ADAMTSL3: variants seen among roughly 807,000 people sequenced by gnomAD.
The protein encoded by ADAMTSL3 is ADAMTS like 3.
ADAMTSL3 carries 128 observed loss-of-function variants against 201.7 expected under a neutral mutation model. That is an observed-to-expected ratio of 0.63 (90% CI 0.55 to 0.73). The LOEUF (loss-of-function observed/expected upper bound fraction) is 0.73, where lower values mean the gene tolerates loss of function less well. Among genes scored for constraint, ADAMTSL3 ranks in the 30% least tolerant of loss-of-function variants. The pLI, the probability that ADAMTSL3 is intolerant of heterozygous loss-of-function variation, is 0.00. For missense variants in ADAMTSL3, 1,990 were observed against 2,119.6 expected, an observed-to-expected ratio of 0.94 and a Z score of 1.20; for synonymous variants, 738 against 748.4, an observed-to-expected ratio of 0.99 and a Z score of 0.23.
At chr15:83,852,480 G>A (rs942340060) in intron 7 of ADAMTSL3, among the ~76,000 whole-genome samples, 1 of 152,180 alleles carries the variant, frequency 6.6e-6, no homozygotes, top group African/African-American at 2.4e-5. Flanking sequence ...TCATATCAAT[G>A]AGCATTTAGA....
chr15:83,988,192 A>C (rs1250184177), intron 21 of ADAMTSL3, among the ~76,000 whole-genome samples: 1 of 152,178 alleles, frequency 6.6e-6, no homozygotes, highest in Non-Finnish European at 1.5e-5. Context: ...TGATGACCTC[A>C]ATCGACTTCT....
chr15:84,002,110 T>C (rs1045900731), intron 23 of ADAMTSL3, among the ~76,000 whole-genome samples: 4 of 152,234 alleles, frequency 2.6e-5, no homozygotes, highest in African/African-American at 7.2e-5. Flanking sequence ...TTTGCATTTT[T>C]TATCAATCTC....
At chr15:83,905,168 G>A (rs1377538974) in intron 15 of ADAMTSL3, among the ~76,000 whole-genome samples, 2 of 152,226 alleles carry the variant, frequency 1.3e-5, no homozygotes, top group East Asian at 1.9e-4. Flanking sequence ...CTGCAGTTTC[G>A]TGTCAGATGT....
intron 21 of ADAMTSL3, 99 bp from the exon 22 acceptor site, chr15:83,988,592 A>G (rs1395253437): frequency 1.8e-6 from 2 of 1,114,152 alleles, no homozygotes; most frequent in African/African-American, 3.2e-5. Context: ...TGCCAGCCCA[A>G]AGCCTGTAAT....
intron 8 of ADAMTSL3, among the ~76,000 whole-genome samples, chr15:83,865,101 A>G (rs144789185): frequency 0.035 from 5,398 of 152,216 alleles, 316 homozygotes; most frequent in African/African-American, 0.13. Flanking sequence ...CCATTCCTCA[A>G]TGAAATAAAA....
At chr15:83,747,539 G>T (rs1037983795) in intron 3 of ADAMTSL3, among the ~76,000 whole-genome samples, 2 of 152,138 alleles carry the variant, frequency 1.3e-5, no homozygotes, top group African/African-American at 2.4e-5. Flanking sequence ...CAGAGCAGTA[G>T]TGGAAGTGAC....
At chr15:83,690,365 C>G (rs1184534167) in intron 2 of ADAMTSL3, among the ~76,000 whole-genome samples, 1 of 152,120 alleles carries the variant, frequency 6.6e-6, no homozygotes, top group Non-Finnish European at 1.5e-5. Flanking sequence ...CCAACTTCCC[C>G]CACATTCTGA....
At chr15:84,031,485 A>G (rs1567314457) in intron 28 of ADAMTSL3, 53 bp downstream of exon 28, 1 of 1,501,900 alleles carries the variant, frequency 6.7e-7, no homozygotes, top group African/African-American at 1.4e-5. Flanking sequence ...CACTCAGGAC[A>G]ATGATTATAA....
At chr15:83,659,709 T>C (rs1057230578) in intron 2 of ADAMTSL3, among the ~76,000 whole-genome samples, 3 of 152,142 alleles carry the variant, frequency 2.0e-5, no homozygotes, top group Non-Finnish European at 2.9e-5. Context: ...TTAAGAATAT[T>C]GAATTGGGGA....
At chr15:83,998,370 A>T (rs1370963150) in intron 23 of ADAMTSL3, among the ~76,000 whole-genome samples, 1 of 151,890 alleles carries the variant, frequency 6.6e-6, no homozygotes, top group African/African-American at 2.4e-5. Flanking sequence ...AATTGCTTGA[A>T]CCCGAGAGGC....
At chr15:83,716,388 G>T (rs1596078800) in intron 3 of ADAMTSL3, among the ~76,000 whole-genome samples, 1 of 151,788 alleles carries the variant, frequency 6.6e-6, no homozygotes, top group South Asian at 2.1e-4. Flanking sequence ...ATGGCGGCAG[G>T]CGCCTGTAAT....
intron 5 of ADAMTSL3, among the ~76,000 whole-genome samples, chr15:83,810,676 C>G (rs2063679335): frequency 6.6e-6 from 1 of 152,152 alleles, no homozygotes; most frequent in Non-Finnish European, 1.5e-5. Context: ...TATTCCTTGG[C>G]TTGTGATTCC....
At chr15:83,850,018 T>C (rs187407498) in intron 7 of ADAMTSL3, among the ~76,000 whole-genome samples, 2 of 152,108 alleles carry the variant, frequency 1.3e-5, no homozygotes, top group Admixed American at 1.3e-4. Context: ...GAACATTGCA[T>C]GGTGAGGAAA....
intron 8 of ADAMTSL3, 67 bp downstream of exon 8, chr15:83,858,907 A>G: frequency 1.4e-6 from 2 of 1,396,602 alleles, no homozygotes; most frequent in South Asian, 2.5e-5. Context: ...AAAAACAAAA[A>G]ACAAAAAACC....
rs568776767 is a variant in ADAMTSL3 at position 83,750,516 on chromosome 15, C to A, written c.190-23007C>A. 3.9e-5 allele frequency among the ~76,000 whole-genome samples: 6 copies of A among 152,150 alleles called. No individual in the cohort carries two copies. In the South Asian group the frequency reaches 1.0e-3, roughly 26 times the overall value. On this transcript the variant is annotated intron_variant, in intron 3 of 29. Coordinates refer to ENST00000286744, the MANE Select transcript of ADAMTSL3 (RefSeq NM_207517.3). ...ATTCACTGATCAGAACTCTGGTCCC[C>A]TTCTTTTTCAAAATGGTTCACAGAC...
chr15:83,951,679 G>C (rs1048943652), intron 19 of ADAMTSL3, among the ~76,000 whole-genome samples: 2 of 152,018 alleles, frequency 1.3e-5, no homozygotes, highest in African/African-American at 4.8e-5. Flanking sequence ...TTATGGCTTT[G>C]ATCTTGTTAG....
chr15:84,033,989 C>T (rs1169533841), intron 28 of ADAMTSL3, among the ~76,000 whole-genome samples: 1 of 152,040 alleles, frequency 6.6e-6, no homozygotes, highest in Non-Finnish European at 1.5e-5. Flanking sequence ...GGGGGTGAGT[C>T]AGAGTGGCAG....
At chr15:83,744,981 C>T (rs890952769) in intron 3 of ADAMTSL3, among the ~76,000 whole-genome samples, 5 of 152,250 alleles carry the variant, frequency 3.3e-5, no homozygotes, top group Admixed American at 2.0e-4. Context: ...TGAGAACATG[C>T]ATTCCTGTTT....
Position 83,924,163 on chromosome 15 carries a change from T to TAA in ADAMTSL3, c.2117+130_2117+131insAA. The TAA allele has an allele frequency of 3.2e-6, 4 of 1,243,010 alleles. No individual in the cohort carries two copies. The South Asian group carries it at 6.7e-5, about 21-fold the overall frequency. 77.0% of individuals were successfully genotyped at this position (1,243,010 alleles called of 1,614,324 possible). On this transcript the variant is annotated intron_variant, in intron 17 of 29. Coordinates refer to ENST00000286744, the MANE Select transcript of ADAMTSL3 (RefSeq NM_207517.3). ...ATGTGCTAAGCCTGCTTCAGAGCTC[T>TAA]CTTTGCTCAAGTTATGCTCCAGCCA...
Sources: gnomAD v4.1 joint callset for allele counts (sites outside exome capture counted in the v4.1 genomes callset) on GRCh38, gnomAD v4.1.1 for gene constraint, MANE v1.5 for transcripts, NCBI Gene and HGNC (gene_info 2026-07-23, HGNC 2026-07-21) for gene names.